TSHZ2: variants seen among roughly 807,000 people sequenced by gnomAD.
TSHZ2 encodes teashirt zinc finger homeobox 2.
TSHZ2 carries 21 observed loss-of-function variants against 74.4 expected under a neutral mutation model. That is an observed-to-expected ratio of 0.28 (90% CI 0.20 to 0.41). The LOEUF (loss-of-function observed/expected upper bound fraction) is 0.41, where lower values mean the gene tolerates loss of function less well. Ranked by LOEUF, TSHZ2 falls within the 10% of genes least tolerant of loss-of-function variation. The probability of loss-of-function intolerance (pLI) is 1.00; values close to 1 mark genes in which losing one functional copy is unlikely to be tolerated. For synonymous variants in TSHZ2, 540 were observed against 515.3 expected (o/e 1.05, Z -0.65); for missense variants, 1,244 against 1,293.5 (o/e 0.96, Z 0.59).
chr20:53,467,067 G>A (rs1238276030), intron 2 of TSHZ2, among the ~76,000 whole-genome samples: 1 of 151,782 alleles, frequency 6.6e-6, no homozygotes, highest in Admixed American at 6.6e-5. Flanking sequence ...AACAAATACA[G>A]ACAATGAAAT....
chr20:53,287,384 G>A (rs1402461516), intron 2 of TSHZ2, among the ~76,000 whole-genome samples: 1 of 152,164 alleles, frequency 6.6e-6, no homozygotes, highest in Non-Finnish European at 1.5e-5. Flanking sequence ...GGTCCACAAG[G>A]GGTGGGCATT....
chr20:53,345,077 G>T (rs745645498), intron 2 of TSHZ2, among the ~76,000 whole-genome samples: 2 of 152,206 alleles, frequency 1.3e-5, no homozygotes, highest in Admixed American at 6.5e-5. Flanking sequence ...GAAAAAAAGA[G>T]CATCTAACAC....
chr20:53,219,308 A>G (rs1369901341), intron 1 of TSHZ2, among the ~76,000 whole-genome samples: 1 of 152,224 alleles, frequency 6.6e-6, no homozygotes, highest in Non-Finnish European at 1.5e-5. Flanking sequence ...ACAACAAGAA[A>G]TAAAATTTGT....
At chr20:53,246,458 G>A (rs1252971909) in intron 1 of TSHZ2, among the ~76,000 whole-genome samples, 3 of 152,094 alleles carry the variant, frequency 2.0e-5, no homozygotes, top group Admixed American at 6.6e-5. Context: ...AACTGAGAAC[G>A]GATTTTCCTC....
intron 2 of TSHZ2, among the ~76,000 whole-genome samples, chr20:53,411,872 T>C (rs1222456324): frequency 1.3e-5 from 2 of 152,094 alleles, no homozygotes; most frequent in Non-Finnish European, 2.9e-5. Flanking sequence ...ATCTCATAGA[T>C]GGAATTAAAT....
intron 1 of TSHZ2, among the ~76,000 whole-genome samples, chr20:53,048,656 C>T (rs1984318260): frequency 6.6e-6 from 1 of 152,226 alleles, no homozygotes; most frequent in African/African-American, 2.4e-5. Flanking sequence ...GCCCCACCAG[C>T]AGCTCATCAC....
intron 1 of TSHZ2, among the ~76,000 whole-genome samples, chr20:53,139,013 C>T (rs1178227227): frequency 1.3e-5 from 2 of 152,232 alleles, no homozygotes; most frequent in Non-Finnish European, 2.9e-5. Context: ...AATCACAATA[C>T]ACCATCCTCC....
At chr20:53,164,247 T>C (rs1242918947) in intron 1 of TSHZ2, among the ~76,000 whole-genome samples, 1 of 152,196 alleles carries the variant, frequency 6.6e-6, no homozygotes, top group Non-Finnish European at 1.5e-5. Flanking sequence ...TGGATTTTTA[T>C]TACACAACTT....
At chr20:53,098,321 G>A (rs1407040521) in intron 1 of TSHZ2, among the ~76,000 whole-genome samples, 1 of 152,206 alleles carries the variant, frequency 6.6e-6, no homozygotes, top group Admixed American at 6.5e-5. Flanking sequence ...GTCTGGGGTA[G>A]TAAATTAGAT....
intron 2 of TSHZ2, among the ~76,000 whole-genome samples, chr20:53,429,067 A>G (rs1983750650): frequency 6.6e-6 from 1 of 152,174 alleles, no homozygotes; most frequent in East Asian, 1.9e-4. Flanking sequence ...CTTCCCAAAG[A>G]TAGGTTTTGT....
At chr20:53,478,127 G>C (rs1453220930) in intron 2 of TSHZ2, among the ~76,000 whole-genome samples, 2 of 144,258 alleles carry the variant, frequency 1.4e-5, no homozygotes, top group East Asian at 4.3e-4. Context: ...ATCTAGAACT[G>C]GAAATACCAT....
intron 1 of TSHZ2, among the ~76,000 whole-genome samples, chr20:53,180,984 C>T (rs1365565710): frequency 1.3e-5 from 2 of 152,088 alleles, no homozygotes; most frequent in Non-Finnish European, 2.9e-5. Context: ...AGCTAAAACC[C>T]CAGCCAATTG....
intron 1 of TSHZ2, among the ~76,000 whole-genome samples, chr20:52,979,330 A>G (rs1981474178): frequency 6.6e-6 from 1 of 152,198 alleles, no homozygotes; most frequent in South Asian, 2.1e-4. Context: ...TCAGAGCCCA[A>G]CGGTTCACTG....
At chr20:53,059,341 A>T (rs1233853324) in intron 1 of TSHZ2, among the ~76,000 whole-genome samples, 7 of 152,212 alleles carry the variant, frequency 4.6e-5, no homozygotes, top group African/African-American at 1.7e-4. Context: ...AACCTTTCTC[A>T]CATGGCCATT....
At chr20:53,192,825 C>T (rs1485243960) in intron 1 of TSHZ2, among the ~76,000 whole-genome samples, 1 of 152,156 alleles carries the variant, frequency 6.6e-6, no homozygotes. Flanking sequence ...GGCAATTTTT[C>T]CAAACTTTTC....
At chr20:53,455,001 T>C (rs1391462686) in intron 2 of TSHZ2, among the ~76,000 whole-genome samples, 2 of 152,192 alleles carry the variant, frequency 1.3e-5, no homozygotes, top group East Asian at 1.9e-4. Context: ...TTCCTTCATG[T>C]AGTTATATTT....
chr20:53,137,804 A>C (rs1019420004), intron 1 of TSHZ2, among the ~76,000 whole-genome samples: 9 of 152,230 alleles, frequency 5.9e-5, no homozygotes, highest in Non-Finnish European at 1.3e-4. Flanking sequence ...AATACTACAG[A>C]TCCCAGGGCT....
intron 2 of TSHZ2, among the ~76,000 whole-genome samples, chr20:53,435,815 A>G (rs1984034847): frequency 6.6e-6 from 1 of 152,202 alleles, no homozygotes; most frequent in South Asian, 2.1e-4. Context: ...ACCTGGCTGT[A>G]AGAACATTTA....
intron 1 of TSHZ2, among the ~76,000 whole-genome samples, chr20:53,197,350 G>C (rs1374488033): frequency 1.3e-5 from 2 of 152,104 alleles, no homozygotes; most frequent in Non-Finnish European, 2.9e-5. Context: ...GCAGTTTTGG[G>C]TTTTGCATTT....
Sources: gnomAD v4.1 joint callset for allele counts (sites outside exome capture counted in the v4.1 genomes callset) on GRCh38, gnomAD v4.1.1 for gene constraint, MANE v1.5 for transcripts, NCBI Gene and HGNC (gene_info 2026-07-23, HGNC 2026-07-21) for gene names.